Variants in RAP1GAP2 observed in about 807,000 individuals in gnomAD.
RAP1GAP2 encodes the protein RAP1 GTPase activating protein 2.
RAP1GAP2 carries 27 observed loss-of-function variants against 95.0 expected under a neutral mutation model. The observed-to-expected ratio is 0.28, with a 90% confidence interval of 0.21 to 0.39. The LOEUF (loss-of-function observed/expected upper bound fraction) is 0.39. Among genes scored for constraint, RAP1GAP2 ranks in the 10% least tolerant of loss-of-function variants. RAP1GAP2 has a pLI of 1.00. For missense variants in RAP1GAP2, 771 were observed against 970.0 expected, an observed-to-expected ratio of 0.79 and a Z score of 2.72; for synonymous variants, 373 against 380.9, an observed-to-expected ratio of 0.98 and a Z score of 0.24.
intron 2 of RAP1GAP2, among the ~76,000 whole-genome samples, chr17:2,863,990 T>G (rs1399204426): frequency 6.6e-6 from 1 of 151,624 alleles, no homozygotes; most frequent in Non-Finnish European, 1.5e-5. Context: ...AGGCGGAGGT[T>G]GCAGTGAGCC....
chr17:2,877,218 C>G (rs923863804), intron 2 of RAP1GAP2, among the ~76,000 whole-genome samples: 2 of 152,138 alleles, frequency 1.3e-5, no homozygotes, highest in Admixed American at 6.5e-5. Context: ...CCCATGTCCA[C>G]TTGTCAGCAT....
At chr17:2,964,878 C>G (rs920425240) in intron 7 of RAP1GAP2, 4 of 152,606 alleles carry the variant, frequency 2.6e-5, no homozygotes, top group African/African-American at 9.7e-5. Context: ...AAATCTGTAG[C>G]CTGAGGCCGC....
Position 2,796,642 on chromosome 17 carries a change from G to C in RAP1GAP2, c.44+71G>C. 1 of 1,512,084 alleles carries C rather than the reference G, an allele frequency of 6.6e-7. No individual in the cohort carries two copies. The highest frequency in any genetic ancestry group is 9.0e-7 in the Non-Finnish European group (1 of 1,111,302). The allele number at this position is 1,512,084 out of a possible 1,614,324, so 93.7% of individuals were successfully genotyped here. On this transcript the variant is annotated intron_variant, in intron 1 of 24. Transcript: ENST00000254695. The surrounding 1 kb of genome is among the most constrained non-coding windows in gnomAD (Gnocchi z 4.7). The stretch of plus-strand genomic sequence containing the variant: ...GAAGTGAAGTCTTGTTAAGTGCATT[G>C]GCGGCCGTGGGAACAGAGGGGCTCG...
intron 2 of RAP1GAP2, among the ~76,000 whole-genome samples, chr17:2,838,572 A>G (rs772272603): frequency 3.9e-5 from 6 of 152,158 alleles, no homozygotes; most frequent in Non-Finnish European, 4.4e-5. Flanking sequence ...ACAGATGAAC[A>G]TAGCATGGGG....
Position 3,008,882 on chromosome 17 carries a change from C to T in RAP1GAP2, c.1494+737C>T, listed in dbSNP as rs1211895386. On this transcript the variant is annotated intron_variant, in intron 17 of 24. Coordinates refer to ENST00000254695, the MANE Select transcript of RAP1GAP2 (RefSeq NM_015085.5). This position sits in a 1 kb window ranked among gnomAD's most constrained non-coding sequence, Gnocchi z 4.2. ...GGCGGAACGGGTCTTGTTATATTCA[C>T]GAACACACGTGGGGACAGGATGAGA... is the stretch of plus-strand genomic sequence containing the variant. Among the ~76,000 whole-genome samples the T allele has an allele frequency of 3.9e-5, 6 of 152,280 alleles. No homozygotes were observed. The South Asian group carries it at 8.3e-4, about 21-fold the overall frequency.
chr17:2,802,964 TG>T (rs1243985309), intron 2 of RAP1GAP2, among the ~76,000 whole-genome samples: 1 of 152,212 alleles, frequency 6.6e-6, no homozygotes, highest in African/African-American at 2.4e-5. Flanking sequence ...CAATAATGTC[TG>T]GTTTTCCTAG....
chr17:2,853,339 G>A (rs2071964361), intron 2 of RAP1GAP2, among the ~76,000 whole-genome samples: 1 of 152,090 alleles, frequency 6.6e-6, no homozygotes, highest in Admixed American at 6.6e-5. Flanking sequence ...TCGTTTGGAC[G>A]GAGGAGGACG....
intron 1 of RAP1GAP2, 107 bp from the exon 2 acceptor site, chr17:2,800,408 C>A: frequency 7.1e-7 from 1 of 1,413,752 alleles, no homozygotes; most frequent in Non-Finnish European, 9.7e-7. Flanking sequence ...CCTGACAGAG[C>A]CCTGCTGTCT....
chr17:2,952,974 T>G (rs1476313895), intron 3 of RAP1GAP2, among the ~76,000 whole-genome samples: 1 of 151,716 alleles, frequency 6.6e-6, no homozygotes, highest in Non-Finnish European at 1.5e-5. Context: ...CCAGCTAATT[T>G]TTGTTATTTT....
intron 10 of RAP1GAP2, among the ~76,000 whole-genome samples, chr17:2,982,522 G>A (rs2045404960): frequency 6.6e-6 from 1 of 152,142 alleles, no homozygotes; most frequent in South Asian, 2.1e-4. Context: ...AGCGAATGGC[G>A]GAGTCCTTTC....
chr17:2,851,617 AG>A (rs1349914618), intron 2 of RAP1GAP2, among the ~76,000 whole-genome samples: 1 of 152,170 alleles, frequency 6.6e-6, no homozygotes, highest in African/African-American at 2.4e-5. Flanking sequence ...TTTGGGGGAC[AG>A]CCTTGTGTTT....
At position 2,906,009 on chromosome 17, in the gene RAP1GAP2, A is replaced by T. The variant is rs977383571; in HGVS notation, c.165+641A>T. Among the ~76,000 whole-genome samples, 3 of 152,252 alleles carry T rather than the reference A, an allele frequency of 2.0e-5. No individual in the cohort carries two copies. The highest frequency in any genetic ancestry group is 7.2e-5 in the African/African-American group (3 of 41,540). On this transcript the variant is annotated intron_variant, in intron 3 of 24. Coordinates refer to ENST00000254695, the MANE Select transcript of RAP1GAP2 (RefSeq NM_015085.5). This position sits in a 1 kb window ranked among gnomAD's most constrained non-coding sequence, Gnocchi z 4.3. ...AGTCCGACGCCTCGGCAGGATGGCC[A>T]CACAGGCCTGAGCTGGTCCTCAGAG...
At chr17:2,795,525 C>A (rs563068197), upstream of RAP1GAP2, among the ~76,000 whole-genome samples, 1 of 149,672 alleles carries the variant, frequency 6.7e-6, no homozygotes, top group African/African-American at 2.6e-5. Flanking sequence ...TGGGTACCGC[C>A]CCCCCACCCC....
At chr17:3,025,868 A>G in intron 19 of RAP1GAP2, 140 bp from the exon 20 acceptor site, 1 of 646,312 alleles carries the variant, frequency 1.5e-6, no homozygotes, top group Non-Finnish European at 2.8e-6. Flanking sequence ...GGGAAAGGAC[A>G]TCCAGGCAGT....
rs939584625 is a variant in RAP1GAP2 at position 2,998,260 on chromosome 17, A to G, written c.1084A>G (p.Ile362Val). The G allele has an allele frequency of 3.1e-6, 5 of 1,613,918 alleles. No homozygotes were observed. The highest frequency in any genetic ancestry group is 1.3e-5 in the African/African-American group (1 of 74,952). Reference protein sequence around the residue: ...KRHIGNDIVAIIFQEENTPFV... With the variant: ...KRHIGNDIVAVIFQEENTPFV... ...ACACATTGGAAATGACATCGTGGCCATCATCTTCCAAGAGGAAAACACGCC... is the reference window on the plus strand; with the variant it reads ...ACACATTGGAAATGACATCGTGGCCGTCATCTTCCAAGAGGAAAACACGCC... The change falls in exon 14 of 25, where the codon ATC becomes GTC. Residue 362 changes from isoleucine (I) to valine (V), a missense_variant. Coordinates refer to ENST00000254695, the MANE Select transcript of RAP1GAP2 (RefSeq NM_015085.5).
At chr17:3,032,330 A>G in intron 23 of RAP1GAP2, 81 bp from the exon 24 acceptor site, 1 of 1,525,346 alleles carries the variant, frequency 6.6e-7, no homozygotes, top group South Asian at 1.1e-5. Context: ...GACTGTTGAG[A>G]GCTGAGTGCA....
chr17:2,845,032 A>C (rs1352826663), intron 2 of RAP1GAP2, among the ~76,000 whole-genome samples: 3 of 152,192 alleles, frequency 2.0e-5, no homozygotes, highest in Non-Finnish European at 4.4e-5. Context: ...TCCCCGCCTC[A>C]TCTGGTCCCG....
rs561659275 is a variant in RAP1GAP2, at chr17:2,831,147, G to A, written c.80+30597G>A. 5.7e-3 allele frequency among the ~76,000 whole-genome samples: 624 copies of A among 109,298 alleles called. 3 individuals are homozygous for A. The highest frequency in any genetic ancestry group is 0.021 in the African/African-American group (595 of 28,024). 71.7% of individuals were successfully genotyped at this position (109,298 alleles called of 152,430 possible). Reference sequence around the variant, plus strand: ...GGCTGGAGTGCAGTGGTGTGATCTCGGCTCACTGCAACCTCTGCCTCCCGG... The same window carrying A: ...GGCTGGAGTGCAGTGGTGTGATCTCAGCTCACTGCAACCTCTGCCTCCCGG... On this transcript the variant is annotated intron_variant, in intron 2 of 24. Transcript: ENST00000254695.
chr17:2,830,774 A>G (rs895658311), intron 2 of RAP1GAP2, among the ~76,000 whole-genome samples: 14 of 152,030 alleles, frequency 9.2e-5, no homozygotes, highest in African/African-American at 1.9e-4. Flanking sequence ...ATGTATTTAC[A>G]TGGTTGGTTC....
Sources: allele counts gnomAD v4.1 joint callset (sites outside exome capture counted in the v4.1 genomes callset), GRCh38; gene constraint gnomAD v4.1.1; non-coding constraint Gnocchi (gnomAD v3.1); transcripts MANE v1.5; gene names NCBI Gene and HGNC (gene_info 2026-07-23, HGNC 2026-07-21).